Variants in LILRB5 observed in about 807,000 individuals in gnomAD.
The protein encoded by LILRB5 is leukocyte immunoglobulin like receptor B5.
A neutral mutation model predicts 68.4 loss-of-function variants in LILRB5; 61 were observed. That is an observed-to-expected ratio of 0.89 (90% CI 0.73 to 1.10). The LOEUF (loss-of-function observed/expected upper bound fraction) is 1.10. Ranked by LOEUF, LILRB5 falls within the 50% of genes least tolerant of loss-of-function variation. The pLI, the probability that LILRB5 is intolerant of heterozygous loss-of-function variation, is 0.00. For synonymous variants in LILRB5, 356 were observed against 315.8 expected, an observed-to-expected ratio of 1.13 and a Z score of -1.35; for missense variants, 771 against 751.6, an observed-to-expected ratio of 1.03 and a Z score of -0.30.
chr19:54,253,959 G>A lies in LILRB5; in HGVS notation c.1357+59C>T, dbSNP rs2079036670. The A allele has an allele frequency of 1.9e-6, 3 of 1,556,350 alleles. No homozygotes were observed. The South Asian group carries it at 3.6e-5, about 18-fold the overall frequency. On this transcript the variant is annotated intron_variant, in intron 8 of 12. Transcript: ENST00000449561. Reference sequence around the variant, plus strand: ...TCCAGAGGAGCCTGAACCTACGACAGAACCCACCCCTGCCTCCCCTGGTCT... The same window carrying A: ...TCCAGAGGAGCCTGAACCTACGACAAAACCCACCCCTGCCTCCCCTGGTCT...
intron 6 of LILRB5, 104 bp from the exon 7 acceptor site, chr19:54,254,519 T>A (rs2079057080): frequency 1.4e-6 from 2 of 1,383,494 alleles, no homozygotes; most frequent in East Asian, 5.0e-5. Context: ...TCTGCTCACC[T>A]TTCACCATTT....
At chr19:54,252,133 C>A (rs190628353) in intron 11 of LILRB5, 27 bp from the exon 12 acceptor site, 24,482 of 1,612,536 alleles carry the variant, frequency 0.015, 387 homozygotes, top group South Asian at 0.057. Context: ...AGGGGTTCAT[C>A]TCCTGGGAAG....
At chr19:54,253,312 G>C (rs534592072) in intron 8 of LILRB5, 2 of 190,654 alleles carry the variant, frequency 1.0e-5, no homozygotes, top group Admixed American at 5.4e-5. Flanking sequence ...GTCTCCATCT[G>C]GGGCTGGTGT....
At chr19:54,255,828 A>G in intron 4 of LILRB5, 1 of 651,046 alleles carries the variant, frequency 1.5e-6, no homozygotes, top group Admixed American at 3.1e-5. Context: ...TGCAGCAAAT[A>G]CACCCATTGC....
At chr19:54,253,692 G>C in intron 8 of LILRB5, 2 of 834,236 alleles carry the variant, frequency 2.4e-6, no homozygotes, top group Non-Finnish European at 3.8e-6. Context: ...GCTGGGAAGT[G>C]AACCCAGGAG....
chr19:54,254,436 G>C (rs1347040901), intron 6 of LILRB5, 21 bp from the exon 7 acceptor site: 3 of 1,570,796 alleles, frequency 1.9e-6, no homozygotes, highest in Non-Finnish European at 2.6e-6. Flanking sequence ...GCACAGAAAG[G>C]GAGCGAGGCG....
chr19:54,254,290 G>T, intron 7 of LILRB5, 75 bp downstream of exon 7: 1 of 1,507,622 alleles, frequency 6.6e-7, no homozygotes, highest in Non-Finnish European at 9.0e-7. Context: ...GAGGGGAATA[G>T]GATCCTCGGG....
intron 7 of LILRB5, 107 bp from the exon 8 acceptor site, chr19:54,254,175 C>T (rs765168898): frequency 2.2e-5 from 34 of 1,516,220 alleles, no homozygotes; most frequent in South Asian, 3.7e-5. Context: ...CTCTCTGCCT[C>T]GACGCCCGCC....
intron 12 of LILRB5, chr19:54,251,350 C>T (rs915080455): frequency 6.4e-6 from 5 of 778,382 alleles, no homozygotes; most frequent in East Asian, 2.7e-5. Context: ...GCTCCTCACT[C>T]TGACCTTGCC....
At position 54,256,096 on chromosome 19, in the gene LILRB5, T is replaced by C; in HGVS notation, c.602A>G (p.Lys201Arg). Reference protein sequence around the residue: ...WRFRCYYYYRKNPQVWSNPSD... With the variant: ...WRFRCYYYYRRNPQVWSNPSD... The stretch of plus-strand genomic sequence containing the variant: ...GGGGTTCGACCACACCTGAGGGTTT[T>C]TCCTGTAATAGTAATAGCATCTGAA... Residue 201 changes from lysine to arginine, a missense_variant, in exon 4 of 13, where the codon AAA becomes AGA. Lys to Arg is a conservative substitution (Grantham distance 26, BLOSUM62 2). Transcript: ENST00000449561. 1 of 1,588,308 alleles carries C rather than the reference T, an allele frequency of 6.3e-7. No individual in the cohort carries two copies. Among genetic ancestry groups the C allele is most frequent in the Non-Finnish European group, 8.6e-7 (1 of 1,168,306 alleles).
intron 6 of LILRB5, 156 bp from the exon 7 acceptor site, chr19:54,254,571 GC>G: frequency 2.4e-6 from 3 of 1,234,850 alleles, no homozygotes; most frequent in Non-Finnish European, 3.4e-6. Context: ...TGCCTGGGGA[GC>G]CCCCGTTGTC....
At position 54,252,116 on chromosome 19, in the gene LILRB5, C is replaced by T. The variant is rs1157736558; in HGVS notation, c.1577-10G>A. On this transcript the variant is annotated splice_polypyrimidine_tract_variant and intron_variant, in intron 11 of 12. Transcript: ENST00000449561. ...TCCTTCACGGCAGCATCTGCTGGGC[C>T]AGAGCAAGGGGTTCATCTCCTGGGA... 1 of 1,614,000 alleles carries T rather than the reference C, an allele frequency of 6.2e-7. No individual in the cohort carries two copies. The highest frequency in any genetic ancestry group is 1.1e-5 in the South Asian group (1 of 91,082).
chr19:54,250,582 T>G lies in LILRB5; in HGVS notation c.*204A>C. 1.7e-6 allele frequency: 1 copy of G among 602,066 alleles called. No individual in the cohort carries two copies. Among genetic ancestry groups the G allele is most frequent in the Non-Finnish European group, 2.9e-6 (1 of 346,696 alleles). The allele number at this position is 602,066 out of a possible 1,614,324, so 37.3% of individuals were successfully genotyped here. On this transcript the variant is annotated 3_prime_UTR_variant, in exon 13 of 13. Coordinates refer to ENST00000449561, the MANE Select transcript of LILRB5 (RefSeq NM_001081442.3). ...GCTCATTGATTTATTGAGAAGTCTG[T>G]GGCTTCATTTCAAAAATGCAAGGAT...
In LILRB5 at chr19:54,250,800, G is replaced by A; in HGVS notation, c.1762C>T (p.Leu588=). The A allele has an allele frequency of 6.2e-7, 1 of 1,614,048 alleles. No homozygotes were observed. The change falls in exon 13 of 13, where the codon CTG becomes TTG. Residue 588 remains leucine, a synonymous_variant. Coordinates refer to ENST00000449561, the MANE Select transcript of LILRB5 (RefSeq NM_001081442.3). The part of the protein sequence containing the change: ...PPAEPSIYAP[L]AIH ...TCCCCCGTGGGCTAGTGGATGGCCA[G>A]GGGGGCGTAGATGCTGGGTTCAGCT...
chr19:54,255,877 G>C lies in LILRB5; in HGVS notation c.655+166C>G, dbSNP rs1476404254. The C allele has an allele frequency of 3.0e-5, 20 of 671,050 alleles. No homozygotes were observed. The South Asian group carries it at 4.2e-4, about 14-fold the overall frequency. The allele number at this position is 671,050 out of a possible 1,614,324, so 41.6% of individuals were successfully genotyped here. On this transcript the variant is annotated intron_variant, in intron 4 of 12. Coordinates refer to ENST00000449561, the MANE Select transcript of LILRB5 (RefSeq NM_001081442.3). ...CCCCTTCCAGGTGAGGGTGACTCAG[G>C]CTCCTGTTTCCCCATCTGAGCCTCC...
intron 12 of LILRB5, chr19:54,251,231 C>T: frequency 8.3e-7 from 1 of 1,209,860 alleles, no homozygotes; most frequent in South Asian, 1.4e-5. Flanking sequence ...AGTCAATTTT[C>T]CTCACTGTTC....
At chr19:54,253,879 T>C in intron 8 of LILRB5, 139 bp downstream of exon 8, 1 of 1,525,320 alleles carries the variant, frequency 6.6e-7, no homozygotes, top group Non-Finnish European at 8.8e-7. Context: ...CTCTCTCCTT[T>C]ACACTTGGAG....
At chr19:54,256,867 G>T in intron 2 of LILRB5, 94 bp from the exon 3 acceptor site, 1 of 1,609,652 alleles carries the variant, frequency 6.2e-7, no homozygotes, top group Middle Eastern at 1.8e-4. Context: ...CCATCAGTCA[G>T]CCCAGAACAG....
At position 54,253,826 on chromosome 19, in the gene LILRB5, G is replaced by A. The variant is rs140573507; in HGVS notation, c.1357+192C>T. The stretch of plus-strand genomic sequence containing the variant: ...GCCCCAGGTCACCGTCACTGCTGCC[G>A]GTGGGACAGGACAGTCCCCTGAAGA... On this transcript the variant is annotated intron_variant, in intron 8 of 12. Coordinates refer to ENST00000449561, the MANE Select transcript of LILRB5 (RefSeq NM_001081442.3). 1.3e-3 allele frequency: 1,957 copies of A among 1,479,528 alleles called. 41 individuals carry two copies. In the East Asian group the frequency reaches 0.037, roughly 28 times the overall value. The allele number at this position is 1,479,528 out of a possible 1,614,324, so 91.7% of individuals were successfully genotyped here. A position where few individuals can be genotyped will look rare whatever the true frequency, so the allele number is the denominator to read the frequency against.
Sources: allele counts gnomAD v4.1 joint callset, GRCh38; gene constraint gnomAD v4.1.1; transcripts MANE v1.5; gene names NCBI Gene and HGNC (gene_info 2026-07-23, HGNC 2026-07-21).